Variants in CCDC3 observed in about 807,000 individuals in gnomAD.
CCDC3 encodes coiled-coil domain-containing protein 3.
In CCDC3, 24 loss-of-function variants were observed where a neutral mutation model predicts 21.4. That is an observed-to-expected ratio of 1.12 (90% CI 0.81 to 1.58). The LOEUF is 1.58. Ranked by LOEUF, CCDC3 falls within the 40% of genes most tolerant of loss-of-function variation. The probability of loss-of-function intolerance (pLI) is 0.00; values close to 1 mark genes in which losing one functional copy is unlikely to be tolerated. For synonymous variants in CCDC3, 186 were observed against 166.0 expected, an observed-to-expected ratio of 1.12 and a Z score of -0.93; for missense variants, 425 against 360.9, an observed-to-expected ratio of 1.18 and a Z score of -1.44.
intron 2 of CCDC3, among the ~76,000 whole-genome samples, chr10:12,986,374 A>G (rs10906276): frequency 0.16 from 23,863 of 152,158 alleles, 1,979 homozygotes; most frequent in South Asian, 0.23. Flanking sequence ...CAACATATTA[A>G]CAGTAGGGGA....
chr10:13,040,124 C>T lies in CCDC3; in HGVS notation c.-2+9550G>A, dbSNP rs529166581. On this transcript the variant is annotated intron_variant, in intron 5 of 6. Coordinates refer to the CCDC3 transcript ENST00000378839. The stretch of plus-strand genomic sequence containing the variant: ...TAAATTCAACATCCAGGTTGTCTGT[C>T]CCAGGAAAGATGGGCATGAGAGGGA... Among the ~76,000 whole-genome samples, 21 of 152,106 alleles carry T rather than the reference C, an allele frequency of 1.4e-4. No homozygotes were observed. In the South Asian group the frequency reaches 4.4e-3, roughly 32 times the overall value.
At chr10:13,012,442 A>T (rs1835994900) in intron 5 of CCDC3, among the ~76,000 whole-genome samples, 1 of 152,232 alleles carries the variant, frequency 6.6e-6, no homozygotes, top group East Asian at 1.9e-4. Context: ...AAAAATGCTC[A>T]ATATCACTAA....
At chr10:13,002,816 G>A (rs138405548), upstream of CCDC3, among the ~76,000 whole-genome samples, 2 of 152,318 alleles carry the variant, frequency 1.3e-5, no homozygotes, top group African/African-American at 4.8e-5. Context: ...AGATTAAAGT[G>A]CTAGGGTTGG....
chr10:13,058,723 G>T, intron 4 of CCDC3: 1 of 308,396 alleles, frequency 3.2e-6, no homozygotes, highest in South Asian at 7.0e-5. Flanking sequence ...AGACCTGCAG[G>T]CCTATTACTT....
At chr10:13,002,378 T>TTTTTTG (rs1554760555), upstream of CCDC3, among the ~76,000 whole-genome samples, 1 of 151,964 alleles carries the variant, frequency 6.6e-6, no homozygotes, top group African/African-American at 2.4e-5. Context: ...GGCAACAGGT[T>TTTTTTG]TTTTGTTTTG....
At position 12,898,158 on chromosome 10, in the gene CCDC3, C is replaced by G; in HGVS notation, c.*258G>C. ...CTGCTCTGCAGGCGAGCATTCAGCA[C>G]TCAGGGATCCCACTGCCTCTGGACT... On this transcript the variant is annotated 3_prime_UTR_variant, in exon 3 of 3. Transcript: ENST00000378825. 2 of 519,118 alleles carry G rather than the reference C, an allele frequency of 3.9e-6. No individual in the cohort carries two copies. The highest frequency in any genetic ancestry group is 6.2e-5 in the South Asian group (2 of 32,434). The allele number at this position is 519,118 out of a possible 1,614,324, so 32.2% of individuals were successfully genotyped here.
intron 5 of CCDC3, among the ~76,000 whole-genome samples, chr10:13,041,586 T>C (rs566812790): frequency 2.3e-4 from 31 of 135,332 alleles, no homozygotes; most frequent in Admixed American, 1.8e-3. Context: ...AGTGCAATGG[T>C]GCAATCTCGG....
intron 3 of CCDC3, among the ~76,000 whole-genome samples, chr10:13,074,464 G>A (rs1277843587): frequency 6.7e-6 from 1 of 149,232 alleles, no homozygotes; most frequent in African/African-American, 2.5e-5. Flanking sequence ...GGGATTACAG[G>A]CGTGAGCCAC....
rs547287362 is a variant in CCDC3, at chr10:13,007,119, A to G, written c.-1-8607T>C. Among the ~76,000 whole-genome samples, 17 of 152,266 alleles carry G rather than the reference A, an allele frequency of 1.1e-4. 1 individual carries two copies. In the South Asian group the frequency reaches 3.5e-3, roughly 32 times the overall value. On this transcript the variant is annotated intron_variant, in intron 5 of 6. Transcript: ENST00000378839. ...GTCATAACTTTTCTAGAAAGAGGAG[A>G]AACCACAGAGATGTTCAAGGATGCA... is the stretch of plus-strand genomic sequence containing the variant.
At chr10:13,009,582 A>C (rs578092465) in intron 5 of CCDC3, among the ~76,000 whole-genome samples, 1 of 152,350 alleles carries the variant, frequency 6.6e-6, no homozygotes, top group South Asian at 2.1e-4. Flanking sequence ...CCTATGTCAA[A>C]GGAACAAAAT....
rs1467046526 is a variant in CCDC3, at chr10:13,001,693, CT to C, written c.-124del. The stretch of plus-strand genomic sequence containing the variant: ...TCCCGGGAGCTGAGCGCACCGCTGT[CT>C]CCGCCACGGGGCTCGGCATGCCCGG... On this transcript the variant is annotated 5_prime_UTR_variant, in exon 1 of 3. Transcript: ENST00000378825. The C allele has an allele frequency of 1.8e-5, 11 of 614,526 alleles. No individual in the cohort carries two copies. The highest frequency in any genetic ancestry group is 5.9e-5 in the Admixed American group (1 of 17,030). 38.1% of individuals were successfully genotyped at this position (614,526 alleles called of 1,614,324 possible).
intron 5 of CCDC3, among the ~76,000 whole-genome samples, chr10:13,035,816 A>G (rs529238405): frequency 9.8e-5 from 15 of 152,300 alleles, no homozygotes; most frequent in African/African-American, 3.1e-4. Flanking sequence ...CTAGGGAGAG[A>G]AGCAAAAAGG....
At chr10:12,948,365 T>C (rs1260221235) in intron 2 of CCDC3, among the ~76,000 whole-genome samples, 2 of 152,120 alleles carry the variant, frequency 1.3e-5, no homozygotes, top group African/African-American at 2.4e-5. Context: ...ACAGCCCATA[T>C]ACTAAACTGA....
At chr10:12,961,010 T>C (rs1048193970) in intron 2 of CCDC3, among the ~76,000 whole-genome samples, 9 of 151,782 alleles carry the variant, frequency 5.9e-5, no homozygotes, top group Non-Finnish European at 1.3e-4. Context: ...GGTAGAAGAG[T>C]AGTGCCAACA....
At chr10:12,987,221 A>C (rs11258105) in intron 2 of CCDC3, among the ~76,000 whole-genome samples, 1 of 151,960 alleles carries the variant, frequency 6.6e-6, no homozygotes. Flanking sequence ...CCCATCTTTC[A>C]TGTGGGTTAA....
At chr10:13,052,871 A>C (rs1481542130) in intron 4 of CCDC3, among the ~76,000 whole-genome samples, 1 of 151,604 alleles carries the variant, frequency 6.6e-6, no homozygotes, top group African/African-American at 2.4e-5. Flanking sequence ...GAACCCAGGA[A>C]GCAGAGGTTG....
chr10:12,912,948 C>A (rs531051003), intron 2 of CCDC3, among the ~76,000 whole-genome samples: 2 of 152,332 alleles, frequency 1.3e-5, no homozygotes, highest in East Asian at 3.9e-4. Flanking sequence ...GCGCTCTATT[C>A]TGTTCAATTG....
rs550866770 is a variant in CCDC3, at chr10:13,034,381, T to C, written c.-2+15293A>G. 7.5e-4 allele frequency among the ~76,000 whole-genome samples: 114 copies of C among 151,532 alleles called. No homozygotes were observed. In the Middle Eastern group the frequency reaches 0.01, roughly 14 times the overall value. On this transcript the variant is annotated intron_variant, in intron 5 of 6. Coordinates refer to the CCDC3 transcript ENST00000378839. ...GGGCGAGGGATAGCATTAGGAGATA[T>C]ACCTAATGTAAATGACAAGTTAATG... is the stretch of plus-strand genomic sequence containing the variant.
chr10:13,070,853 G>C (rs981206601), intron 4 of CCDC3, among the ~76,000 whole-genome samples: 4 of 152,208 alleles, frequency 2.6e-5, no homozygotes, highest in Admixed American at 2.0e-4. Context: ...ATGAAGACTA[G>C]AGAAAGAGAA....
Sources: gnomAD v4.1 joint callset for allele counts (sites outside exome capture counted in the v4.1 genomes callset) on GRCh38, gnomAD v4.1.1 for gene constraint, MANE v1.5 for transcripts, NCBI Gene and HGNC (gene_info 2026-07-23, HGNC 2026-07-21) for gene names.